The following CSMD1 variants were observed in gnomAD, a reference collection of about 807,000 sequenced individuals.
The protein encoded by CSMD1 is CUB and sushi domain-containing protein 1.
CSMD1 carries 213 observed loss-of-function variants against 417.5 expected under a neutral mutation model. The observed-to-expected ratio is 0.51, with a 90% CI of 0.46 to 0.57. CSMD1 has a LOEUF of 0.57. Among genes scored for constraint, CSMD1 ranks in the 20% least tolerant of loss-of-function variants. The pLI, the probability that CSMD1 is intolerant of heterozygous loss-of-function variation, is 0.00. For synonymous variants in CSMD1, 2,862 were observed against 1,736.8 expected (o/e 1.65, Z -16.11); for missense variants, 6,923 against 4,529.7 (o/e 1.53, Z -15.17).
At chr8:4,056,896 T>A (rs570856098) in intron 3 of CSMD1, among the ~76,000 whole-genome samples, 1 of 152,216 alleles carries the variant, frequency 6.6e-6, no homozygotes, top group Non-Finnish European at 1.5e-5. Context: ...TAGTATTCCA[T>A]AGAGTATATG....
At chr8:4,015,928 A>G (rs1398893960) in intron 4 of CSMD1, among the ~76,000 whole-genome samples, 1 of 152,186 alleles carries the variant, frequency 6.6e-6, no homozygotes, top group African/African-American at 2.4e-5. Flanking sequence ...AAACAACAAA[A>G]TGTCTCTTCA....
At chr8:3,646,931 T>C (rs1212430699) in intron 7 of CSMD1, among the ~76,000 whole-genome samples, 1 of 152,138 alleles carries the variant, frequency 6.6e-6, no homozygotes, top group Non-Finnish European at 1.5e-5. Context: ...AAAAAAAATT[T>C]AAAACCTCAA....
intron 7 of CSMD1, among the ~76,000 whole-genome samples, chr8:3,681,017 T>G (rs1197732388): frequency 2.0e-5 from 3 of 152,140 alleles, no homozygotes; most frequent in Admixed American, 1.3e-4. Context: ...CTCAATAAAT[T>G]AGGTATTGAT....
rs267601899 is a variant in CSMD1 at position 3,387,494 on chromosome 8, C to T, written c.2782G>A (p.Ala928Thr). 3.8e-6 allele frequency: 6 copies of T among 1,595,370 alleles called. No homozygotes were observed. Among genetic ancestry groups the T allele is most frequent in the African/African-American group, 2.7e-5 (2 of 74,586 alleles). ...QWNHALPSCD[A>T]LCGGYIQGKS... ...CATTGCCTCACTGAGCTGTACCTAC[C>T]GTCGCAGCTGGGCAAGGCGTGGTTC... The change falls in exon 18 of 70, where the codon GCT becomes ACT. Residue 928 changes from alanine to threonine, a missense_variant and splice_region_variant. Transcript: ENST00000635120.
chr8:4,922,490 T>G (rs1178012515), intron 1 of CSMD1, among the ~76,000 whole-genome samples: 1 of 152,250 alleles, frequency 6.6e-6, no homozygotes, highest in Non-Finnish European at 1.5e-5. Flanking sequence ...GTATTCTTCC[T>G]ACCTTAAAAT....
At chr8:4,728,415 T>C (rs1001963064) in intron 1 of CSMD1, among the ~76,000 whole-genome samples, 2 of 152,080 alleles carry the variant, frequency 1.3e-5, no homozygotes, top group African/African-American at 4.8e-5. Flanking sequence ...AGACTATAAA[T>C]TCCTGAGGGT....
chr8:3,425,253 G>C (rs1006727882), intron 12 of CSMD1, among the ~76,000 whole-genome samples: 2 of 152,166 alleles, frequency 1.3e-5, no homozygotes, highest in African/African-American at 4.8e-5. Flanking sequence ...GGGGGACTTA[G>C]AGCTTATCTC....
At chr8:4,630,568 C>G (rs955215305) in intron 2 of CSMD1, among the ~76,000 whole-genome samples, 1 of 152,116 alleles carries the variant, frequency 6.6e-6, no homozygotes, top group Non-Finnish European at 1.5e-5. Context: ...CATATGTTGA[C>G]AAGAGCAATT....
At chr8:3,702,307 C>G (rs1375784028) in intron 7 of CSMD1, 1 of 152,136 alleles carries the variant, frequency 6.6e-6, no homozygotes, top group African/African-American at 2.4e-5. Context: ...TCGAATTGGG[C>G]AAGTCATTTG....
intron 5 of CSMD1, among the ~76,000 whole-genome samples, chr8:3,841,422 AAAC>A (rs1278888529): frequency 6.6e-6 from 1 of 152,182 alleles, no homozygotes; most frequent in Non-Finnish European, 1.5e-5. Flanking sequence ...GAAAAGAAGA[AAAC>A]AACAAAACAA....
At chr8:4,920,710 C>G (rs1046006825) in intron 1 of CSMD1, among the ~76,000 whole-genome samples, 10 of 151,902 alleles carry the variant, frequency 6.6e-5, no homozygotes, top group South Asian at 6.2e-4. Context: ...GCAATCCCAG[C>G]TACTTAGAAG....
intron 7 of CSMD1, chr8:3,700,593 A>C (rs562925966): frequency 6.6e-6 from 1 of 152,134 alleles, no homozygotes; most frequent in Admixed American, 6.6e-5. Flanking sequence ...CTCAAGATAC[A>C]TGATATTTAG....
At chr8:3,685,524 G>C (rs1187774580) in intron 7 of CSMD1, among the ~76,000 whole-genome samples, 2 of 152,090 alleles carry the variant, frequency 1.3e-5, no homozygotes, top group East Asian at 1.9e-4. Context: ...ACTAAAATTA[G>C]GGGTTTATAT....
rs186373152 is a variant in CSMD1 at position 3,630,414 on chromosome 8, G to A, written c.1010-13617C>T. Among the ~76,000 whole-genome samples the A allele has an allele frequency of 7.9e-3, 1,199 of 152,298 alleles. 10 individuals carry two copies. The highest frequency in any genetic ancestry group is 0.013 in the Non-Finnish European group (852 of 68,024). ...TGGAGTATTCAAAGATCCGAAAAAA[G>A]ATGAATTGGCCCAAACCACTGAAAC... On this transcript the variant is annotated intron_variant, in intron 7 of 69. Transcript: ENST00000635120.
At chr8:4,345,819 G>A (rs1180960781) in intron 3 of CSMD1, among the ~76,000 whole-genome samples, 3 of 152,082 alleles carry the variant, frequency 2.0e-5, no homozygotes, top group Non-Finnish European at 4.4e-5. Context: ...TTCACAGGGA[G>A]GTCATCCCGA....
intron 25 of CSMD1, among the ~76,000 whole-genome samples, chr8:3,293,507 T>A (rs1005794050): frequency 6.6e-6 from 1 of 152,208 alleles, no homozygotes; most frequent in African/African-American, 2.4e-5. Context: ...CCATATTTCT[T>A]GGAGGCTTTG....
intron 5 of CSMD1, among the ~76,000 whole-genome samples, chr8:3,877,622 A>T (rs1805911450): frequency 6.6e-6 from 1 of 152,194 alleles, no homozygotes; most frequent in Non-Finnish European, 1.5e-5. Flanking sequence ...ATTTCTGCCC[A>T]GTTCATCTAC....
intron 2 of CSMD1, among the ~76,000 whole-genome samples, chr8:4,457,029 C>A (rs1465299176): frequency 6.7e-6 from 1 of 150,268 alleles, no homozygotes; most frequent in African/African-American, 2.5e-5. Context: ...ATGTTAATCG[C>A]TGATTCCTGG....
At chr8:2,954,076 A>G (rs1214228081) in intron 65 of CSMD1, 148 bp downstream of exon 65, 2 of 430,268 alleles carry the variant, frequency 4.6e-6, no homozygotes, top group Non-Finnish European at 4.1e-6. Context: ...AATTCCATGT[A>G]AGCTTGGTGT....
Sources: allele counts gnomAD v4.1 joint callset (sites outside exome capture counted in the v4.1 genomes callset), GRCh38; gene constraint gnomAD v4.1.1; transcripts MANE v1.5; gene names NCBI Gene and HGNC (gene_info 2026-07-23, HGNC 2026-07-21).